The following UCHL5 variants were observed in gnomAD, a reference collection of about 807,000 sequenced individuals.
The protein encoded by UCHL5 is ubiquitin carboxyl-terminal hydrolase isozyme L5.
Under a neutral mutation model 53.8 loss-of-function variants are expected in UCHL5, and 34 were observed. The observed-to-expected ratio is 0.63, with a 90% CI of 0.48 to 0.84. UCHL5 has a LOEUF of 0.84. Ranked by LOEUF, UCHL5 falls within the 40% of genes least tolerant of loss-of-function variation. The probability of loss-of-function intolerance (pLI) is 0.00; values close to 1 mark genes in which losing one functional copy is unlikely to be tolerated. For synonymous variants in UCHL5, 111 were observed against 126.3 expected, an observed-to-expected ratio of 0.88 and a Z score of 0.81; for missense variants, 290 against 385.6, an observed-to-expected ratio of 0.75 and a Z score of 2.08.
At chr1:193,022,893 A>T (rs758851645) in intron 9 of UCHL5, 33 bp downstream of exon 9, 1 of 1,479,610 alleles carries the variant, frequency 6.8e-7, no homozygotes, top group South Asian at 1.1e-5. Context: ...CTCTATATTA[A>T]AACATTAAAG....
intron 3 of UCHL5, among the ~76,000 whole-genome samples, chr1:193,038,178 C>G (rs1220612732): frequency 6.6e-6 from 1 of 152,110 alleles, no homozygotes; most frequent in Non-Finnish European, 1.5e-5. Context: ...AGTCTTAGGC[C>G]GGGCACCGTG....
chr1:193,041,647 C>T (rs910720902), intron 3 of UCHL5, among the ~76,000 whole-genome samples: 3 of 152,120 alleles, frequency 2.0e-5, no homozygotes, highest in Non-Finnish European at 4.4e-5. Flanking sequence ...GAGAAACTTG[C>T]ACATGTACAA....
At position 193,015,875 on chromosome 1, in the gene UCHL5, T is replaced by A. The variant is rs1440918246; in HGVS notation, c.*476A>T. The A allele has an allele frequency of 1.3e-5, 2 of 152,578 alleles. No individual in the cohort carries two copies. Among genetic ancestry groups the A allele is most frequent in the African/African-American group, 4.8e-5 (2 of 41,454 alleles). The allele number at this position is 152,578 out of a possible 1,614,324, so 9.5% of individuals were successfully genotyped here. On this transcript the variant is annotated 3_prime_UTR_variant, in exon 11 of 11. Transcript: ENST00000367454. ...TACATTAAAATCATACTTTCTCAAA[T>A]AACTGGTATAGCAGATAAAATTCAG...
chr1:193,049,937 T>C (rs1668487491), intron 2 of UCHL5, 86 bp from the exon 3 acceptor site: 4 of 1,115,076 alleles, frequency 3.6e-6, no homozygotes, highest in Admixed American at 6.1e-5. Context: ...GTCAGTTATC[T>C]AACAAATATA....
chr1:193,020,288 A>T, intron 10 of UCHL5: 3 of 1,532,148 alleles, frequency 2.0e-6, no homozygotes, highest in Non-Finnish European at 2.6e-6. Context: ...TTTAAAATTA[A>T]TAAGGAAAAT....
rs1373550398 is a variant in UCHL5 at position 193,013,218 on chromosome 1, G to A, written c.*3133C>T. 2.6e-5 allele frequency: 4 copies of A among 152,154 alleles called. No individual in the cohort carries two copies. The highest frequency in any genetic ancestry group is 9.7e-5 in the African/African-American group (4 of 41,422). The allele number at this position is 152,154 out of a possible 1,614,324, so 9.4% of individuals were successfully genotyped here. A position where few individuals can be genotyped will look rare whatever the true frequency, so the allele number is the denominator to read the frequency against. Reference sequence around the variant, plus strand: ...AGTTCCAACAGTGAACTCCCTGACTGTTGCAAAAGTGAGCAGTTCCCTAGG... The same window carrying A: ...AGTTCCAACAGTGAACTCCCTGACTATTGCAAAAGTGAGCAGTTCCCTAGG... On this transcript the variant is annotated 3_prime_UTR_variant, in exon 11 of 11. Coordinates refer to ENST00000367454, the MANE Select transcript of UCHL5 (RefSeq NM_001199261.3).
At chr1:193,027,610 G>A (rs1410710626) in intron 7 of UCHL5, among the ~76,000 whole-genome samples, 2 of 152,092 alleles carry the variant, frequency 1.3e-5, no homozygotes, top group South Asian at 4.1e-4. Context: ...GCTTGAACTC[G>A]GGAGGCAGAG....
In UCHL5 at chr1:193,023,014, C is replaced by T. The variant is rs760377013; in HGVS notation, c.755G>A (p.Gly252Asp). 6.2e-7 allele frequency: 1 copy of T among 1,613,106 alleles called. No homozygotes were observed. The highest frequency in any genetic ancestry group is 1.1e-5 in the South Asian group (1 of 91,032). ...LAEEPMDTDQGNSMLSAIQSE... is the reference protein window; with the variant it reads ...LAEEPMDTDQDNSMLSAIQSE... ...CTGAATAGCACTTAACATACTATTA[C>T]CTTGATCTGTATCCATGGGTTCCTC... Residue 252 changes from glycine to aspartate, a missense_variant, in exon 9 of 11, where the codon GGT becomes GAT. Physicochemically the swap from Gly to Asp is moderately conservative, Grantham distance 94. Transcript: ENST00000367454.
In UCHL5 at chr1:193,012,464, ATTC is replaced by A. The variant is rs1274321533; in HGVS notation, c.*3884_*3886del. On this transcript the variant is annotated 3_prime_UTR_variant, in exon 11 of 11. Transcript: ENST00000367454. ...CCATCAAACATGATTGCAAATTAAT[ATTC>A]TTAATTATTGCACATTGGTTCTGCC... 2 of 152,226 alleles carry A rather than the reference ATTC, an allele frequency of 1.3e-5. No homozygotes were observed. The highest frequency in any genetic ancestry group is 2.9e-5 in the Non-Finnish European group (2 of 68,034). The allele number at this position is 152,226 out of a possible 1,614,324, so 9.4% of individuals were successfully genotyped here. A position where few individuals can be genotyped will look rare whatever the true frequency, so the allele number is the denominator to read the frequency against.
chr1:193,035,346 G>A (rs922942081), intron 3 of UCHL5, among the ~76,000 whole-genome samples: 1 of 151,838 alleles, frequency 6.6e-6, no homozygotes, highest in African/African-American at 2.4e-5. Context: ...GGCAGTAAGG[G>A]AAAACAAGCA....
At chr1:193,049,911 A>T in intron 2 of UCHL5, 60 bp from the exon 3 acceptor site, 3 of 1,396,784 alleles carry the variant, frequency 2.1e-6, no homozygotes, top group Non-Finnish European at 2.9e-6. Context: ...ATACATTGTT[A>T]ATCTATAAAA....
intron 7 of UCHL5, among the ~76,000 whole-genome samples, chr1:193,027,664 G>A (rs942107665): frequency 4.6e-5 from 7 of 151,912 alleles, no homozygotes; most frequent in East Asian, 1.9e-4. Context: ...CAGCCTGGGC[G>A]ACCCAGTGAG....
intron 3 of UCHL5, among the ~76,000 whole-genome samples, chr1:193,043,368 A>T (rs1365807827): frequency 1.3e-5 from 2 of 152,010 alleles, no homozygotes; most frequent in African/African-American, 4.8e-5. Context: ...AGCTGTAATT[A>T]ATCTGGAATG....
chr1:193,035,729 A>G (rs1228344834), intron 3 of UCHL5, among the ~76,000 whole-genome samples: 1 of 152,256 alleles, frequency 6.6e-6, no homozygotes, highest in East Asian at 1.9e-4. Flanking sequence ...CAGTCTGCTC[A>G]TAACTCTGAT....
At chr1:193,035,821 A>G (rs1663168447) in intron 3 of UCHL5, among the ~76,000 whole-genome samples, 2 of 152,142 alleles carry the variant, frequency 1.3e-5, no homozygotes, top group Non-Finnish European at 2.9e-5. Context: ...AAATACGTAT[A>G]TTGACAAAAC....
intron 3 of UCHL5, among the ~76,000 whole-genome samples, chr1:193,043,165 A>C (rs1202734078): frequency 6.7e-6 from 1 of 148,184 alleles, no homozygotes; most frequent in East Asian, 1.9e-4. Flanking sequence ...AAAAAAAAAA[A>C]AAAAAAAAAA....
intron 3 of UCHL5, among the ~76,000 whole-genome samples, chr1:193,037,478 A>T (rs1222901774): frequency 6.6e-6 from 1 of 152,148 alleles, no homozygotes; most frequent in African/African-American, 2.4e-5. Flanking sequence ...AAGTAATGAG[A>T]TCAGAGCCAT....
In UCHL5 at chr1:193,054,184, G is replaced by A. The variant is rs934011134; in HGVS notation, c.77-2367C>T. Among the ~76,000 whole-genome samples, 15 of 152,284 alleles carry A rather than the reference G, an allele frequency of 9.9e-5. No homozygotes were observed. In the East Asian group the frequency reaches 2.9e-3, roughly 29 times the overall value. ...ACTAACACATCTGTATTATACCGAT[G>A]GGTCTAGGGATAGAAACAAATTTCA... On this transcript the variant is annotated intron_variant, in intron 1 of 10. Coordinates refer to ENST00000367454, the MANE Select transcript of UCHL5 (RefSeq NM_001199261.3).
At chr1:193,026,069 A>T (rs1442070877) in intron 7 of UCHL5, among the ~76,000 whole-genome samples, 1 of 150,094 alleles carries the variant, frequency 6.7e-6, no homozygotes, top group African/African-American at 2.4e-5. Flanking sequence ...CCGGTGCCTG[A>T]GTAATTGAAT....
Sources: allele counts gnomAD v4.1 joint callset (sites outside exome capture counted in the v4.1 genomes callset), GRCh38; gene constraint gnomAD v4.1.1; transcripts MANE v1.5; gene names NCBI Gene and HGNC (gene_info 2026-07-23, HGNC 2026-07-21).